ARNT2: variants seen among roughly 807,000 people sequenced by gnomAD.
The protein encoded by ARNT2 is aryl hydrocarbon receptor nuclear translocator 2.
ARNT2 carries 36 observed loss-of-function variants against 91.7 expected under a neutral mutation model. The observed-to-expected ratio is 0.39, with a 90% CI of 0.30 to 0.52. ARNT2 has a LOEUF of 0.52. Among genes scored for constraint, ARNT2 ranks in the 20% least tolerant of loss-of-function variants. The pLI, the probability that ARNT2 is intolerant of heterozygous loss-of-function variation, is 0.72. For missense variants in ARNT2, 775 were observed against 939.3 expected (o/e 0.83, Z 2.29); for synonymous variants, 365 against 347.1 (o/e 1.05, Z -0.57).
chr15:80,452,423 G>T (rs931348196), intron 2 of ARNT2, among the ~76,000 whole-genome samples: 7 of 152,202 alleles, frequency 4.6e-5, no homozygotes, highest in African/African-American at 1.7e-4. Flanking sequence ...GTGGCTCACC[G>T]CTGGGGCTTC....
chr15:80,501,238 C>G lies in ARNT2; in HGVS notation c.623-6918C>G, dbSNP rs770378108. Among the ~76,000 whole-genome samples, 91 of 151,832 alleles carry G rather than the reference C, an allele frequency of 6.0e-4. No homozygotes were observed. The Middle Eastern group carries it at 0.014, about 23-fold the overall frequency. ...AAAAACCTGGAAACAAAGTAAAAGT[C>G]TAATAGTAAATTACCTACTCAAAAT... On this transcript the variant is annotated intron_variant, in intron 5 of 18. Transcript: ENST00000303329.
chr15:80,580,326 A>C (rs1385074356), intron 15 of ARNT2, 85 bp from the exon 16 acceptor site: 2 of 1,530,074 alleles, frequency 1.3e-6, no homozygotes, highest in East Asian at 4.5e-5. Flanking sequence ...AAGATGGCCC[A>C]GGGCAGATTG....
At chr15:80,562,899 C>A in intron 11 of ARNT2, 189 bp from the exon 12 acceptor site, 1 of 687,006 alleles carries the variant, frequency 1.5e-6, no homozygotes. Flanking sequence ...CACCCCATTT[C>A]ACCAGAAGGT....
chr15:80,488,409 G>A (rs1034356567), intron 5 of ARNT2, among the ~76,000 whole-genome samples: 7 of 152,164 alleles, frequency 4.6e-5, no homozygotes, highest in South Asian at 4.2e-4. Flanking sequence ...TCTCATTTTC[G>A]TATTATGGCT....
At chr15:80,576,820 C>A in intron 14 of ARNT2, 46 bp from the exon 15 acceptor site, 1 of 1,604,062 alleles carries the variant, frequency 6.2e-7, no homozygotes, top group East Asian at 2.2e-5. Context: ...CTGTGGTCTG[C>A]AGAGCAGGGA....
At chr15:80,419,410 C>T (rs545769141) in intron 1 of ARNT2, among the ~76,000 whole-genome samples, 1 of 152,302 alleles carries the variant, frequency 6.6e-6, no homozygotes, top group South Asian at 2.1e-4. Flanking sequence ...TAAAGGTGGT[C>T]GAACTGAGCC....
chr15:80,458,073 G>A, intron 3 of ARNT2, 97 bp downstream of exon 3: 3 of 1,323,738 alleles, frequency 2.3e-6, no homozygotes, highest in Non-Finnish European at 3.2e-6. Flanking sequence ...CATTGCAAAA[G>A]CCATTGCCTG....
At chr15:80,462,694 T>G (rs1258358857) in intron 3 of ARNT2, among the ~76,000 whole-genome samples, 2 of 152,220 alleles carry the variant, frequency 1.3e-5, no homozygotes, top group Non-Finnish European at 2.9e-5. Flanking sequence ...TTAACCTTTT[T>G]AGAAATGGCT....
intron 17 of ARNT2, 112 bp downstream of exon 17, chr15:80,581,516 G>A: frequency 1.4e-6 from 2 of 1,422,052 alleles, no homozygotes; most frequent in East Asian, 4.7e-5. Flanking sequence ...AACAAGGTCT[G>A]GAGGTTTCCA....
At chr15:80,532,881 G>A (rs75293908) in intron 8 of ARNT2, among the ~76,000 whole-genome samples, 1 of 152,156 alleles carries the variant, frequency 6.6e-6, no homozygotes, top group Non-Finnish European at 1.5e-5. Flanking sequence ...ACTCAAATAT[G>A]GTCAAGTCTG....
chr15:80,405,302 C>T (rs1267218780), intron 1 of ARNT2, among the ~76,000 whole-genome samples: 1 of 152,192 alleles, frequency 6.6e-6, no homozygotes, highest in African/African-American at 2.4e-5. Flanking sequence ...GGAAAGTTCC[C>T]TACCTGATGA....
chr15:80,435,195 G>A lies in ARNT2; in HGVS notation c.32-15685G>A, dbSNP rs1896068641. On this transcript the variant is annotated intron_variant, in intron 1 of 18. Coordinates refer to ENST00000303329, the MANE Select transcript of ARNT2 (RefSeq NM_014862.4). The stretch of plus-strand genomic sequence containing the variant: ...CACCTCCTGCCCTCTGCCTGCCCTC[G>A]TCCTTTTCTCAGCCAGGACACCCCA... 2.6e-5 allele frequency among the ~76,000 whole-genome samples: 4 copies of A among 152,238 alleles called. No individual in the cohort carries two copies. The South Asian group carries it at 8.3e-4, about 32-fold the overall frequency.
At chr15:80,557,841 C>G (rs2141461434) in intron 11 of ARNT2, among the ~76,000 whole-genome samples, 1 of 152,310 alleles carries the variant, frequency 6.6e-6, no homozygotes, top group African/African-American at 2.4e-5. Context: ...GGTCTCTCTG[C>G]TTTTACTCTT....
chr15:80,423,454 A>G (rs1272137695), intron 1 of ARNT2, among the ~76,000 whole-genome samples: 1 of 152,122 alleles, frequency 6.6e-6, no homozygotes, highest in Non-Finnish European at 1.5e-5. Flanking sequence ...AGTTATGTCT[A>G]ATGTATTTTT....
At chr15:80,588,238 A>G (rs1423984311) in intron 17 of ARNT2, among the ~76,000 whole-genome samples, 2 of 152,126 alleles carry the variant, frequency 1.3e-5, no homozygotes, top group Non-Finnish European at 2.9e-5. Flanking sequence ...TCAGTAATCA[A>G]TCAACAAGCC....
intron 17 of ARNT2, among the ~76,000 whole-genome samples, chr15:80,587,138 C>A (rs1355292719): frequency 6.6e-6 from 1 of 152,200 alleles, no homozygotes; most frequent in East Asian, 1.9e-4. Flanking sequence ...AGACTGTGAT[C>A]CTTGCTGTAA....
At chr15:80,555,207 A>G in intron 11 of ARNT2, 68 bp downstream of exon 11, 1 of 1,534,306 alleles carries the variant, frequency 6.5e-7, no homozygotes, top group Non-Finnish European at 9.0e-7. Flanking sequence ...GGCTGGCAGG[A>G]CATTAGTCCT....
At chr15:80,432,755 T>C (rs1896028918) in intron 1 of ARNT2, among the ~76,000 whole-genome samples, 1 of 152,026 alleles carries the variant, frequency 6.6e-6, no homozygotes, top group East Asian at 1.9e-4. Flanking sequence ...AACCAGAAGG[T>C]ATGGTCTCAC....
chr15:80,552,523 A>G lies in ARNT2; in HGVS notation c.955-117A>G. Reference sequence around the variant, plus strand: ...TGAACACTTTAGGGTCATCGTACTAAATGACATGGAAGGATCTTTGAAGTG... The same window carrying G: ...TGAACACTTTAGGGTCATCGTACTAGATGACATGGAAGGATCTTTGAAGTG... On this transcript the variant is annotated intron_variant, in intron 9 of 18. Transcript: ENST00000303329. 3.8e-6 allele frequency: 5 copies of G among 1,319,012 alleles called. No individual in the cohort carries two copies. The South Asian group carries it at 5.7e-5, about 15-fold the overall frequency. The allele number at this position is 1,319,012 out of a possible 1,614,324, so 81.7% of individuals were successfully genotyped here.
Sources: gnomAD v4.1 joint callset for allele counts (sites outside exome capture counted in the v4.1 genomes callset) on GRCh38, gnomAD v4.1.1 for gene constraint, MANE v1.5 for transcripts, NCBI Gene and HGNC (gene_info 2026-07-23, HGNC 2026-07-21) for gene names.